RFX2: variants seen among roughly 807,000 people sequenced by gnomAD.
RFX2 encodes DNA-binding protein RFX2.
A neutral mutation model predicts 87.8 loss-of-function variants in RFX2; 20 were observed. The observed-to-expected ratio is 0.23, with a 90% CI of 0.16 to 0.33. The LOEUF (loss-of-function observed/expected upper bound fraction) is 0.33. Ranked by LOEUF, RFX2 falls within the 10% of genes least tolerant of loss-of-function variation. The probability of loss-of-function intolerance (pLI) is 1.00; values close to 1 mark genes in which losing one functional copy is unlikely to be tolerated. For missense variants in RFX2, 767 were observed against 1,012.3 expected (o/e 0.76, Z 3.29); for synonymous variants, 397 against 431.3 (o/e 0.92, Z 0.98).
At chr19:6,015,443 G>A (rs991778638) in intron 7 of RFX2, among the ~76,000 whole-genome samples, 3 of 150,958 alleles carry the variant, frequency 2.0e-5, no homozygotes, top group Admixed American at 6.6e-5. Context: ...ACAAAACACT[G>A]AGAAATGGTA....
Position 6,074,848 on chromosome 19 carries a change from G to T in RFX2, c.-8-27344C>A, listed in dbSNP as rs933982275. On this transcript the variant is annotated intron_variant, in intron 1 of 17. Coordinates refer to ENST00000303657, the MANE Select transcript of RFX2 (RefSeq NM_000635.4). This position sits in a 1 kb window ranked among gnomAD's most constrained non-coding sequence, Gnocchi z 5.2. The stretch of plus-strand genomic sequence containing the variant: ...GGACATGTGGGGTCACACGGGTCAC[G>T]TGAGGAGGCCACCAGAGGGAGCTGG... 2.0e-5 allele frequency among the ~76,000 whole-genome samples: 3 copies of T among 152,214 alleles called. No individual in the cohort carries two copies. The highest frequency in any genetic ancestry group is 2.9e-5 in the Non-Finnish European group (2 of 68,044).
At position 6,083,324 on chromosome 19, in the gene RFX2, G is replaced by A. The variant is rs1392222259; in HGVS notation, c.-9+27069C>T. 1.3e-5 allele frequency among the ~76,000 whole-genome samples: 2 copies of A among 152,134 alleles called. No homozygotes were observed. The highest frequency in any genetic ancestry group is 2.9e-5 in the Non-Finnish European group (2 of 68,036). ...CTGCCTTAAATTTTGCATCCCAGGC[G>A]AGGGCCTCACTGCCTCATGCTAGTT... On this transcript the variant is annotated intron_variant, in intron 1 of 17. Transcript: ENST00000303657. This position sits in a 1 kb window ranked among gnomAD's most constrained non-coding sequence, Gnocchi z 4.6.
In RFX2 at chr19:6,008,163, G is replaced by A. The variant is rs766680124; in HGVS notation, c.1077C>T (p.Asp359=). ...CCTTGACGTCGTGCAGTGTGACGCCGTCCTGCAGCAGGAAGCTGCCCAGGT... is the reference window on the plus strand; with the variant it reads ...CCTTGACGTCGTGCAGTGTGACGCCATCCTGCAGCAGGAAGCTGCCCAGGT... The part of the protein sequence containing the change: ...APDLGSFLLQ[D]GVTLHDVKAL... Residue 359 remains aspartate (D), a synonymous_variant, in exon 10 of 18, where the codon GAC becomes GAT. Coordinates refer to ENST00000303657, the MANE Select transcript of RFX2 (RefSeq NM_000635.4). 21 of 1,557,622 alleles carry A rather than the reference G, an allele frequency of 1.3e-5. No homozygotes were observed. Among genetic ancestry groups the A allele is most frequent in the Admixed American group, 1.2e-4 (6 of 51,028 alleles).
intron 5 of RFX2, among the ~76,000 whole-genome samples, chr19:6,030,333 G>C (rs2144742442): frequency 6.6e-6 from 1 of 152,264 alleles, no homozygotes; most frequent in Admixed American, 6.5e-5. Context: ...GAGGCCAGAG[G>C]GCAGTGAAAC....
chr19:6,047,320 C>G lies in RFX2; in HGVS notation c.90+87G>C. ...TCCATTCAGAAAAATACAGATTCCT[C>G]TCTTTGCAGATCTGAGCAGCTTTCA... On this transcript the variant is annotated intron_variant, in intron 2 of 17. Coordinates refer to ENST00000303657, the MANE Select transcript of RFX2 (RefSeq NM_000635.4). The surrounding 1 kb of genome is among the most constrained non-coding windows in gnomAD (Gnocchi z 4.2). 9.5e-7 allele frequency: 1 copy of G among 1,048,070 alleles called. No homozygotes were observed. Among genetic ancestry groups the G allele is most frequent in the South Asian group, 1.6e-5 (1 of 62,862 alleles). 64.9% of individuals were successfully genotyped at this position (1,048,070 alleles called of 1,614,324 possible). A position where few individuals can be genotyped will look rare whatever the true frequency, so the allele number is the denominator to read the frequency against.
chr19:6,095,105 C>A (rs1167442999), intron 1 of RFX2, among the ~76,000 whole-genome samples: 1 of 152,144 alleles, frequency 6.6e-6, no homozygotes, highest in Admixed American at 6.5e-5. Flanking sequence ...GAGCAAGACT[C>A]CATCTCAAAT....
chr19:6,106,519 A>G (rs1359010675), intron 1 of RFX2, among the ~76,000 whole-genome samples: 4 of 152,186 alleles, frequency 2.6e-5, no homozygotes, highest in Non-Finnish European at 5.9e-5. Context: ...ACATGAAGTT[A>G]CTTATGGTCC....
chr19:6,044,342 C>G lies in RFX2; in HGVS notation c.91-60G>C. 9.5e-7 allele frequency: 1 copy of G among 1,055,018 alleles called. No individual in the cohort carries two copies. The highest frequency in any genetic ancestry group is 1.3e-6 in the Non-Finnish European group (1 of 760,806). 65.4% of individuals were successfully genotyped at this position (1,055,018 alleles called of 1,614,324 possible). ...GTCAGAGGTCAGTGCTGAGGATACA[C>G]ACAGAATGTAAGATGCTGTTTGTCT... On this transcript the variant is annotated intron_variant, in intron 2 of 17. Coordinates refer to ENST00000303657, the MANE Select transcript of RFX2 (RefSeq NM_000635.4). This position sits in a 1 kb window ranked among gnomAD's most constrained non-coding sequence, Gnocchi z 5.3.
Position 6,012,858 on chromosome 19 carries a change from G to A in RFX2, c.899+128C>T. The A allele has an allele frequency of 1.1e-6, 1 of 935,546 alleles. No homozygotes were observed. Among genetic ancestry groups the A allele is most frequent in the East Asian group, 2.9e-5 (1 of 34,354 alleles). 58.0% of individuals were successfully genotyped at this position (935,546 alleles called of 1,614,324 possible). ...ACTCACCTCAGTCTCAGCAGAGGGG[G>A]ATACCTTGGCTTTCCCAGGATGCTG... On this transcript the variant is annotated intron_variant, in intron 8 of 17. Coordinates refer to ENST00000303657, the MANE Select transcript of RFX2 (RefSeq NM_000635.4). The surrounding 1 kb of genome is among the most constrained non-coding windows in gnomAD (Gnocchi z 4.6).
chr19:5,997,123 G>A lies in RFX2; in HGVS notation c.1950C>T (p.Phe650=). ...CCGCGACGCGGTGCTCCACCAGGTA[G>A]AACATGTACTCGTCGTAGAGCAGGC... The part of the protein sequence containing the change: ...LIRLLYDEYM[F]YLVEHRVAEA... The change falls in exon 16 of 18, where the codon TTC becomes TTT. Residue 650 remains phenylalanine (F), a synonymous_variant. Transcript: ENST00000303657. The surrounding 1 kb of genome is among the most constrained non-coding windows in gnomAD (Gnocchi z 4.2). 2 of 1,613,760 alleles carry A rather than the reference G, an allele frequency of 1.2e-6. No individual in the cohort carries two copies. Among genetic ancestry groups the A allele is most frequent in the Non-Finnish European group, 1.7e-6 (2 of 1,180,002 alleles).
In RFX2 at chr19:5,994,860, G is replaced by A. The variant is rs2086382759; in HGVS notation, c.2147C>T (p.Pro716Leu). The A allele has an allele frequency of 1.9e-6, 3 of 1,610,082 alleles. No homozygotes were observed. The highest frequency in any genetic ancestry group is 2.7e-5 in the African/African-American group (2 of 74,910). The part of the protein sequence containing the change: ...EPLVKRERSD[P>L]NHSLQGI ...CTAGATGCCCTGCAGGGAGTGGTTG[G>A]GGTCACTGCGCTCCCGCTTTACCAG... The change falls in exon 18 of 18, where the codon CCC becomes CTC. Residue 716 changes from proline (P) to leucine (L), a missense_variant. Pro to Leu is a moderately conservative substitution (Grantham distance 98, BLOSUM62 -3). Transcript: ENST00000303657.
chr19:5,997,355 C>T lies in RFX2; in HGVS notation c.1860-142G>A, dbSNP rs2086427367. 2 of 981,936 alleles carry T rather than the reference C, an allele frequency of 2.0e-6. No homozygotes were observed. The highest frequency in any genetic ancestry group is 3.6e-5 in the South Asian group (2 of 55,100). 60.8% of individuals were successfully genotyped at this position (981,936 alleles called of 1,614,324 possible). On this transcript the variant is annotated intron_variant, in intron 15 of 17. Transcript: ENST00000303657. The surrounding 1 kb of genome is among the most constrained non-coding windows in gnomAD (Gnocchi z 4.2). ...GCTGAGTGATCCTAAGACGTGCAGG[C>T]CTACGCGGGGGCTGACGGGCTGCCG...
Position 6,004,385 on chromosome 19 carries a change from G to A in RFX2, c.1403-87C>T, listed in dbSNP as rs997723594. 7.1e-6 allele frequency: 8 copies of A among 1,126,176 alleles called. No homozygotes were observed. Among genetic ancestry groups the A allele is most frequent in the Non-Finnish European group, 9.5e-6 (7 of 739,890 alleles). 69.8% of individuals were successfully genotyped at this position (1,126,176 alleles called of 1,614,324 possible). A position where few individuals can be genotyped will look rare whatever the true frequency, so the allele number is the denominator to read the frequency against. ...GCATTCAGTGTAAGAGCTGGCCCAAGTGCGATGAAAATGACCACCATGAAG... is the reference window on the plus strand; with the variant it reads ...GCATTCAGTGTAAGAGCTGGCCCAAATGCGATGAAAATGACCACCATGAAG... On this transcript the variant is annotated intron_variant, in intron 12 of 17. Coordinates refer to ENST00000303657, the MANE Select transcript of RFX2 (RefSeq NM_000635.4). The surrounding 1 kb of genome is among the most constrained non-coding windows in gnomAD (Gnocchi z 4.8).
chr19:6,072,763 A>G, intron 1 of RFX2: 1 of 620,332 alleles, frequency 1.6e-6, no homozygotes, highest in East Asian at 3.1e-5. Context: ...AAGAGAAAAA[A>G]AAGGCCCCTC....
rs181936960 is a variant in RFX2 at position 6,022,591 on chromosome 19, C to T, written c.597+3572G>A. Among the ~76,000 whole-genome samples, 31 of 152,342 alleles carry T rather than the reference C, an allele frequency of 2.0e-4. No individual in the cohort carries two copies. In the East Asian group the frequency reaches 5.8e-3, roughly 28 times the overall value. On this transcript the variant is annotated intron_variant, in intron 6 of 17. Coordinates refer to ENST00000303657, the MANE Select transcript of RFX2 (RefSeq NM_000635.4). The surrounding 1 kb of genome is among the most constrained non-coding windows in gnomAD (Gnocchi z 6.2). ...TTCTGCTCAAGTCGGTGGCCTGCCA[C>T]ACCCGGTCGGGTGAAGACATGTTTC...
At chr19:6,092,947 A>G (rs1308163013) in intron 1 of RFX2, among the ~76,000 whole-genome samples, 1 of 151,076 alleles carries the variant, frequency 6.6e-6, no homozygotes, top group Admixed American at 6.6e-5. Context: ...ACGGACACGC[A>G]TGTGGTAAAA....
At chr19:6,108,297 T>C (rs2088252092) in intron 1 of RFX2, among the ~76,000 whole-genome samples, 1 of 152,190 alleles carries the variant, frequency 6.6e-6, no homozygotes, top group African/African-American at 2.4e-5. Flanking sequence ...TTGTCGTTTC[T>C]AAGGTTATTT....
At chr19:6,036,930 T>C (rs984912530) in intron 5 of RFX2, among the ~76,000 whole-genome samples, 1 of 152,104 alleles carries the variant, frequency 6.6e-6, no homozygotes, top group Non-Finnish European at 1.5e-5. Context: ...TTTTTGTCCA[T>C]ATTGGAAAGA....
intron 1 of RFX2, chr19:6,078,226 T>C (rs1022820800): frequency 2.0e-5 from 3 of 151,916 alleles, no homozygotes; most frequent in African/African-American, 7.3e-5. Flanking sequence ...GGTTTCTTCT[T>C]CTTTTCGGAG....
Sources: gnomAD v4.1 joint callset for allele counts (sites outside exome capture counted in the v4.1 genomes callset) on GRCh38, gnomAD v4.1.1 for gene constraint, Gnocchi (gnomAD v3.1) non-coding constraint, MANE v1.5 for transcripts, NCBI Gene and HGNC (gene_info 2026-07-23, HGNC 2026-07-21) for gene names.